The following KCNH5 variants were observed in gnomAD, a reference collection of about 807,000 sequenced individuals.
KCNH5 encodes voltage-gated delayed rectifier potassium channel KCNH5.
In KCNH5, 46 loss-of-function variants were observed where a neutral mutation model predicts 96.1. The ratio of observed to expected loss-of-function variants is 0.48; its 90% confidence interval spans 0.38 to 0.61. KCNH5 has a LOEUF of 0.61. Among genes scored for constraint, KCNH5 ranks in the 20% least tolerant of loss-of-function variants. The probability of loss-of-function intolerance (pLI) is 0.00; values close to 1 mark genes in which losing one functional copy is unlikely to be tolerated. For missense variants in KCNH5, 907 were observed against 1,225.8 expected (o/e 0.74, Z 3.88); for synonymous variants, 439 against 449.8 (o/e 0.98, Z 0.30).
chr14:62,820,363 T>C (rs1329750466), intron 8 of KCNH5, among the ~76,000 whole-genome samples: 1 of 151,844 alleles, frequency 6.6e-6, no homozygotes, highest in East Asian at 1.9e-4. Flanking sequence ...TTTTTTTTTT[T>C]TGAGATGGAG....
At chr14:63,038,023 G>T (rs1891754086) in intron 1 of KCNH5, among the ~76,000 whole-genome samples, 1 of 152,168 alleles carries the variant, frequency 6.6e-6, no homozygotes, top group African/African-American at 2.4e-5. Context: ...GGAATAGGAA[G>T]TGAACATGGG....
intron 7 of KCNH5, among the ~76,000 whole-genome samples, chr14:62,856,447 G>A (rs558429800): frequency 9.2e-5 from 14 of 152,232 alleles, no homozygotes; most frequent in Admixed American, 5.2e-4. Flanking sequence ...TGGCAGTAAC[G>A]CTTAAGGCCT....
chr14:62,981,989 G>A (rs1890617075), intron 5 of KCNH5, among the ~76,000 whole-genome samples: 1 of 152,088 alleles, frequency 6.6e-6, no homozygotes, highest in Non-Finnish European at 1.5e-5. Context: ...AAGATAGAAA[G>A]CAGATGACAG....
intron 10 of KCNH5, among the ~76,000 whole-genome samples, chr14:62,732,234 A>T (rs1885065307): frequency 6.6e-6 from 1 of 152,092 alleles, no homozygotes; most frequent in Non-Finnish European, 1.5e-5. Flanking sequence ...TGCCTCTCCC[A>T]TCTGTTCCCC....
intron 7 of KCNH5, among the ~76,000 whole-genome samples, chr14:62,946,705 T>C (rs1889893953): frequency 6.6e-6 from 1 of 152,062 alleles, no homozygotes; most frequent in South Asian, 2.1e-4. Flanking sequence ...AGTTAAACAG[T>C]AGTACATCCT....
At chr14:62,876,629 T>G (rs1888378364) in intron 7 of KCNH5, among the ~76,000 whole-genome samples, 1 of 152,106 alleles carries the variant, frequency 6.6e-6, no homozygotes. Flanking sequence ...AAGGATAAAT[T>G]TAACTGAATA....
intron 7 of KCNH5, among the ~76,000 whole-genome samples, chr14:62,873,082 A>C (rs952168365): frequency 3.3e-5 from 5 of 150,086 alleles, no homozygotes; most frequent in African/African-American, 1.2e-4. Flanking sequence ...CCCAGGAGGC[A>C]GAGCTTGCAG....
At position 62,756,037 on chromosome 14, in the gene KCNH5, A is replaced by T. The variant is rs548787043; in HGVS notation, c.2019+23691T>A. Among the ~76,000 whole-genome samples, 174 of 152,122 alleles carry T rather than the reference A, an allele frequency of 1.1e-3. 1 individual carries two copies. The highest frequency in any genetic ancestry group is 1.2e-3 in the East Asian group (6 of 5,182). ...GGGAAAAACTGAAAGCCTTTCCTCT[A>T]AGGAAAAAAAAAACAAAACCTAGAC... On this transcript the variant is annotated intron_variant, in intron 10 of 10. Coordinates refer to ENST00000322893, the MANE Select transcript of KCNH5 (RefSeq NM_139318.5).
chr14:62,981,081 T>C lies in KCNH5; in HGVS notation c.733A>G (p.Ile245Val), dbSNP rs754761406. 288 of 1,614,086 alleles carry C rather than the reference T, an allele frequency of 1.8e-4. No homozygotes were observed. Among genetic ancestry groups the C allele is most frequent in the Admixed American group, 3.7e-4 (22 of 60,008 alleles). ...ACACTATCCAGTACCAGCCAGGCTA[T>C]GTTGTTCTGCTTTGTTTTGAAGGAA... ...NVSFKTKQNN[I>V]AWLVLDSVVD... The change falls in exon 6 of 11, where the codon ATA becomes GTA. Residue 245 changes from isoleucine to valine, a missense_variant. This residue lies in a region of KCNH5 where 370 missense variants were observed against 561.3 expected (regional missense o/e 0.66). Coordinates refer to ENST00000322893, the MANE Select transcript of KCNH5 (RefSeq NM_139318.5).
At chr14:62,774,171 A>T (rs1886048362) in intron 10 of KCNH5, among the ~76,000 whole-genome samples, 1 of 152,238 alleles carries the variant, frequency 6.6e-6, no homozygotes, top group Admixed American at 6.5e-5. Flanking sequence ...GTATGACAAC[A>T]CACGAGAAAT....
At chr14:62,845,548 G>A (rs1439230929) in intron 8 of KCNH5, among the ~76,000 whole-genome samples, 2 of 152,188 alleles carry the variant, frequency 1.3e-5, no homozygotes, top group Admixed American at 6.5e-5. Flanking sequence ...GGGGACAAAG[G>A]TGGAAGCACC....
At chr14:62,898,711 T>C (rs1378939486) in intron 7 of KCNH5, among the ~76,000 whole-genome samples, 1 of 152,074 alleles carries the variant, frequency 6.6e-6, no homozygotes, top group Non-Finnish European at 1.5e-5. Context: ...GCAGACAAAA[T>C]GTTCCTTAAT....
intron 6 of KCNH5, among the ~76,000 whole-genome samples, chr14:62,961,282 A>C (rs1160258950): frequency 6.6e-6 from 1 of 152,040 alleles, no homozygotes; most frequent in African/African-American, 2.4e-5. Context: ...GTCATATAGG[A>C]CTTCTTTCCT....
chr14:62,946,525 T>A (rs2140127406), intron 7 of KCNH5, among the ~76,000 whole-genome samples: 1 of 152,096 alleles, frequency 6.6e-6, no homozygotes, highest in Admixed American at 6.6e-5. Context: ...TTTTTTTTTT[T>A]ATTTTCAGTT....
At chr14:62,895,225 G>A (rs1035682255) in intron 7 of KCNH5, among the ~76,000 whole-genome samples, 6 of 151,984 alleles carry the variant, frequency 3.9e-5, no homozygotes, top group Non-Finnish European at 7.4e-5. Flanking sequence ...ATGCACCTAG[G>A]AAATTATAGA....
chr14:63,000,052 T>C (rs1231988610), intron 4 of KCNH5, among the ~76,000 whole-genome samples: 1 of 152,192 alleles, frequency 6.6e-6, no homozygotes, highest in Admixed American at 6.5e-5. Flanking sequence ...ATTGCTGTCA[T>C]ACTTTGAATG....
intron 7 of KCNH5, among the ~76,000 whole-genome samples, chr14:62,863,613 A>G (rs906056495): frequency 6.6e-6 from 1 of 152,342 alleles, no homozygotes; most frequent in East Asian, 1.9e-4. Flanking sequence ...TGGGTTTACC[A>G]TTTAGTGCAA....
intron 7 of KCNH5, among the ~76,000 whole-genome samples, chr14:62,894,808 C>T (rs1019624007): frequency 6.6e-6 from 1 of 152,192 alleles, no homozygotes; most frequent in Non-Finnish European, 1.5e-5. Flanking sequence ...ATTAAATGCA[C>T]TGAAATTAAA....
At chr14:62,910,998 T>G (rs566675454) in intron 7 of KCNH5, among the ~76,000 whole-genome samples, 2 of 151,752 alleles carry the variant, frequency 1.3e-5, no homozygotes, top group African/African-American at 2.4e-5. Flanking sequence ...ATGGAACATA[T>G]TATACATTTG....
Sources: gnomAD v4.1 joint callset for allele counts (sites outside exome capture counted in the v4.1 genomes callset) on GRCh38, gnomAD v4.1.1 for gene constraint, gnomAD v4.1.1 regional missense constraint, MANE v1.5 for transcripts, NCBI Gene and HGNC (gene_info 2026-07-23, HGNC 2026-07-21) for gene names.